C10orf90: variants seen among roughly 807,000 people sequenced by gnomAD.
The protein encoded by C10orf90 is (E2-independent) E3 ubiquitin-conjugating enzyme FATS.
C10orf90 carries 56 observed loss-of-function variants against 62.5 expected under a neutral mutation model. That is an observed-to-expected ratio of 0.90 (90% confidence interval 0.72 to 1.12). C10orf90 has a LOEUF of 1.12. Among genes scored for constraint, C10orf90 ranks in the 50% most tolerant of loss-of-function variants. The probability of loss-of-function intolerance (pLI) is 0.00; values close to 1 mark genes in which losing one functional copy is unlikely to be tolerated. For synonymous variants in C10orf90, 386 were observed against 340.4 expected, an observed-to-expected ratio of 1.13 and a Z score of -1.47; for missense variants, 970 against 880.4, an observed-to-expected ratio of 1.10 and a Z score of -1.29.
At position 126,609,542 on chromosome 10, in the gene C10orf90, T is replaced by C. The variant is rs532571533; in HGVS notation, c.313+37023A>G. On this transcript the variant is annotated intron_variant, in intron 2 of 9. Transcript: ENST00000488181. ...CCAGTGCTTATCTATCAACAGGTACTGGGGAAACAAAGCAAAACAGACAAA... is the reference window on the plus strand; with the variant it reads ...CCAGTGCTTATCTATCAACAGGTACCGGGGAAACAAAGCAAAACAGACAAA... 3.7e-4 allele frequency among the ~76,000 whole-genome samples: 57 copies of C among 152,322 alleles called. 1 individual carries two copies. The highest frequency in any genetic ancestry group is 1.3e-3 in the African/African-American group (52 of 41,580).
At chr10:126,575,732 T>A (rs1302160036) in intron 2 of C10orf90, among the ~76,000 whole-genome samples, 1 of 151,914 alleles carries the variant, frequency 6.6e-6, no homozygotes, top group African/African-American at 2.4e-5. Context: ...TAAAAACAGA[T>A]ACATAGACCC....
intron 1 of C10orf90, among the ~76,000 whole-genome samples, chr10:126,668,421 T>A (rs776592979): frequency 1.3e-5 from 2 of 152,154 alleles, no homozygotes; most frequent in South Asian, 2.1e-4. Context: ...GAAGTGCTAA[T>A]TGGGGTCTCT....
intron 2 of C10orf90, among the ~76,000 whole-genome samples, chr10:126,645,703 T>A (rs1435579049): frequency 1.3e-5 from 2 of 152,062 alleles, no homozygotes; most frequent in East Asian, 3.9e-4. Context: ...ACAGTGTCAG[T>A]TTTGGAAAGG....
chr10:126,432,683 G>T (rs1320230493), intron 7 of C10orf90, among the ~76,000 whole-genome samples: 1 of 152,256 alleles, frequency 6.6e-6, no homozygotes, highest in Non-Finnish European at 1.5e-5. Context: ...CATCGTGGCT[G>T]TGCGGGGAGG....
chr10:126,544,495 A>G (rs1262392786), intron 2 of C10orf90, among the ~76,000 whole-genome samples: 1 of 152,152 alleles, frequency 6.6e-6, no homozygotes, highest in African/African-American at 2.4e-5. Flanking sequence ...CTCACTTCAG[A>G]AAAATAAACC....
At chr10:126,557,989 A>G (rs1366362870) in intron 2 of C10orf90, among the ~76,000 whole-genome samples, 2 of 152,126 alleles carry the variant, frequency 1.3e-5, no homozygotes, top group African/African-American at 2.4e-5. Flanking sequence ...CTCCCAGCCA[A>G]TGATGCAGTC....
chr10:126,545,182 G>T (rs1285927074), intron 2 of C10orf90, among the ~76,000 whole-genome samples: 1 of 151,980 alleles, frequency 6.6e-6, no homozygotes, highest in Non-Finnish European at 1.5e-5. Flanking sequence ...CCCTCCCTCT[G>T]ATCTCTCTCA....
At chr10:126,457,879 T>C (rs1859685472) in intron 7 of C10orf90, among the ~76,000 whole-genome samples, 1 of 152,220 alleles carries the variant, frequency 6.6e-6, no homozygotes, top group Admixed American at 6.5e-5. Context: ...TATCTGCCAA[T>C]GGACTTATAG....
At chr10:126,664,380 T>C (rs945486506) in intron 1 of C10orf90, among the ~76,000 whole-genome samples, 3 of 152,182 alleles carry the variant, frequency 2.0e-5, no homozygotes, top group Non-Finnish European at 4.4e-5. Context: ...ACAGCCTCCA[T>C]GCTAGCCCCA....
chr10:126,482,030 C>A (rs1861188732), intron 4 of C10orf90, among the ~76,000 whole-genome samples: 1 of 152,136 alleles, frequency 6.6e-6, no homozygotes, highest in East Asian at 1.9e-4. Flanking sequence ...TTTCCCCAGT[C>A]TATTACCATT....
At chr10:126,483,439 C>G (rs778796122) in intron 4 of C10orf90, among the ~76,000 whole-genome samples, 15 of 152,210 alleles carry the variant, frequency 9.9e-5, no homozygotes, top group Admixed American at 5.9e-4. Context: ...CCTTTCTCTA[C>G]TAATCCTAGA....
intron 2 of C10orf90, among the ~76,000 whole-genome samples, chr10:126,640,838 C>G (rs578204405): frequency 4.0e-4 from 61 of 152,270 alleles, no homozygotes; most frequent in African/African-American, 1.4e-3. Flanking sequence ...AAATGCTATG[C>G]CAAGGAGCTT....
chr10:126,472,576 C>A (rs568299220), intron 4 of C10orf90, among the ~76,000 whole-genome samples: 84 of 152,170 alleles, frequency 5.5e-4, no homozygotes, highest in African/African-American at 2.0e-3. Context: ...CCTTTCCTGG[C>A]GCCTAGCAGT....
chr10:126,463,565 C>T (rs987649596), intron 5 of C10orf90, among the ~76,000 whole-genome samples: 35 of 152,216 alleles, frequency 2.3e-4, no homozygotes, highest in African/African-American at 8.4e-4. Flanking sequence ...CGCCCTGGCC[C>T]CACCCTCTGC....
intron 7 of C10orf90, among the ~76,000 whole-genome samples, chr10:126,458,227 CTT>C: frequency 6.6e-6 from 1 of 152,094 alleles, no homozygotes; most frequent in East Asian, 1.9e-4. Flanking sequence ...CCCCAAAAGA[CTT>C]TTATTCTGAG....
At chr10:126,573,022 G>A (rs1844538334) in intron 2 of C10orf90, among the ~76,000 whole-genome samples, 1 of 152,044 alleles carries the variant, frequency 6.6e-6, no homozygotes, top group Non-Finnish European at 1.5e-5. Flanking sequence ...TTTGTGGCAG[G>A]ACGAGCCACA....
At chr10:126,586,439 CGTTCTGAGTAAACGGGGCGCTCT>C (rs1844872155) in intron 2 of C10orf90, among the ~76,000 whole-genome samples, 1 of 152,190 alleles carries the variant, frequency 6.6e-6, no homozygotes, top group Admixed American at 6.5e-5. Flanking sequence ...AATCGGCACG[CGTTCTGAGTAAACGGGGCGCTCT>C]TTCGTGAGTC....
chr10:126,657,089 G>A (rs747230363), intron 1 of C10orf90, among the ~76,000 whole-genome samples: 4 of 152,036 alleles, frequency 2.6e-5, no homozygotes, highest in Non-Finnish European at 5.9e-5. Flanking sequence ...ATCTGCATAG[G>A]GGCCAGTACT....
intron 1 of C10orf90, among the ~76,000 whole-genome samples, chr10:126,667,642 C>A (rs1224182437): frequency 6.6e-6 from 1 of 152,130 alleles, no homozygotes; most frequent in East Asian, 1.9e-4. Flanking sequence ...GAGCACATCA[C>A]TGAATTCTAT....
Sources: allele counts gnomAD v4.1 joint callset (sites outside exome capture counted in the v4.1 genomes callset), GRCh38; gene constraint gnomAD v4.1.1; transcripts MANE v1.5; gene names NCBI Gene and HGNC (gene_info 2026-07-23, HGNC 2026-07-21).